The following TFE3 variants were observed in gnomAD, a reference collection of about 807,000 sequenced individuals.
TFE3 encodes the protein transcription factor binding to IGHM enhancer 3.
Under a neutral mutation model 35.0 loss-of-function variants are expected in TFE3, and 5 were observed. That is an observed-to-expected ratio of 0.14 (90% confidence interval 0.07 to 0.30). The LOEUF (loss-of-function observed/expected upper bound fraction) is 0.30, where lower values mean the gene tolerates loss of function less well. TFE3 is among the 10% of genes least tolerant of loss of function. The pLI is 1.00. For synonymous variants in TFE3, 211 were observed against 215.6 expected (o/e 0.98, Z 0.18); for missense variants, 374 against 496.6 (o/e 0.75, Z 2.35).
Position 49,033,638 on chromosome X carries a change from C to T in TFE3, c.1060+88G>A, listed in dbSNP as rs1051885706. On this transcript the variant is annotated intron_variant, in intron 7 of 9. Transcript: ENST00000315869. ...AAAGTAGGGAGTTGGGAGGCTGTTG[C>T]AGGGAAGGAGTTCCCCATGGGGGGC... The T allele has an allele frequency of 3.8e-5, 45 of 1,182,768 alleles. No homozygotes were observed. The East Asian group carries it at 1.3e-3, about 33-fold the overall frequency.
chrX:49,039,432 GCC>G (rs1557075375), intron 2 of TFE3, 22 bp from the exon 3 acceptor site: 1 of 1,153,121 alleles, frequency 8.7e-7, no homozygotes, highest in South Asian at 2.1e-5. Flanking sequence ...GAAATATGGG[GCC>G]ATATTTTAGG....
chrX:49,042,180 G>A (rs1395843302), intron 1 of TFE3, among the ~76,000 whole-genome samples: 2 of 111,520 alleles, frequency 1.8e-5, no homozygotes, highest in Admixed American at 9.6e-5. Context: ...ATCTGTACTC[G>A]TTCCAGCTCT....
At chrX:49,031,920 C>A in intron 8 of TFE3, 1 of 129,568 alleles carries the variant, frequency 7.7e-6, no homozygotes, top group Non-Finnish European at 1.6e-5. Context: ...CCCAGACACC[C>A]ATGCGGCTCC....
rs368020025 is a variant in TFE3 at position 49,035,109 on chromosome X, G to A, written c.886-858C>T. 2.8e-5 allele frequency among the ~76,000 whole-genome samples: 3 copies of A among 108,901 alleles called. No homozygotes were observed. In the East Asian group the frequency reaches 8.7e-4, roughly 32 times the overall value. 94.6% of individuals were successfully genotyped at this position (108,901 alleles called of 115,157 possible). A position where few individuals can be genotyped will look rare whatever the true frequency, so the allele number is the denominator to read the frequency against. On this transcript the variant is annotated intron_variant, in intron 5 of 9. Coordinates refer to ENST00000315869, the MANE Select transcript of TFE3 (RefSeq NM_006521.6). ...GCGGATCACTTGAGGTCAGGAGTTC[G>A]TGACCAGCCTGGCCAACATGGTGAA... is the stretch of plus-strand genomic sequence containing the variant.
At position 49,032,248 on chromosome X, in the gene TFE3, G is replaced by T. The variant is rs190373545; in HGVS notation, c.1137-704C>A. Among the ~76,000 whole-genome samples the T allele has an allele frequency of 3.6e-5, 4 of 110,625 alleles. No individual in the cohort carries two copies. The Admixed American group carries it at 3.9e-4, about 11-fold the overall frequency. ...CTCTTTTCCTTTTTTTTTGCGGGGC[G>T]GTGGGGGATGGAGTCTCGCTCTGTC... is the stretch of plus-strand genomic sequence containing the variant. On this transcript the variant is annotated intron_variant, in intron 8 of 9. Transcript: ENST00000315869.
chrX:49,029,963 T>C lies in TFE3; in HGVS notation c.*195A>G, dbSNP rs782641526. On this transcript the variant is annotated 3_prime_UTR_variant, in exon 10 of 10. Transcript: ENST00000315869. Reference sequence around the variant, plus strand: ...GAAATACCTGCACTGGGCGGTTCCTTTGGGGAAGGTGCAGGGCCTCATCTG... The same window carrying C: ...GAAATACCTGCACTGGGCGGTTCCTCTGGGGAAGGTGCAGGGCCTCATCTG... 2.7e-5 allele frequency: 14 copies of C among 517,702 alleles called. No homozygotes were observed. Among genetic ancestry groups the C allele is most frequent in the Non-Finnish European group, 4.4e-5 (13 of 295,188 alleles). 42.7% of individuals were successfully genotyped at this position (517,702 alleles called of 1,213,427 possible). A position where few individuals can be genotyped will look rare whatever the true frequency, so the allele number is the denominator to read the frequency against.
chrX:49,030,988 G>A (rs2147768253), intron 9 of TFE3, among the ~76,000 whole-genome samples: 1 of 111,050 alleles, frequency 9.0e-6, no homozygotes. Context: ...AGGAGGCTGA[G>A]ACAGGAGAAT....
At chrX:49,042,195 A>C (rs2147779450) in intron 1 of TFE3, among the ~76,000 whole-genome samples, 1 of 111,527 alleles carries the variant, frequency 9.0e-6, no homozygotes, top group South Asian at 3.8e-4. Flanking sequence ...AGCTCTATGG[A>C]CAGATTCAAG....
chrX:49,035,664 C>T (rs1284404264), intron 5 of TFE3, among the ~76,000 whole-genome samples: 2 of 107,892 alleles, frequency 1.9e-5, no homozygotes, highest in Admixed American at 1.0e-4. Context: ...GCCTCAGCCT[C>T]CCAAAGTGCT....
rs1391691261 is a variant in TFE3, at chrX:49,029,159, GT to G, written c.*998del. ...AAAGAATACTGAGGTACTGGTTCTG[GT>G]AACCTGAACTCAGTCCCCCACTAAT... On this transcript the variant is annotated 3_prime_UTR_variant, in exon 10 of 10. Transcript: ENST00000315869. 2.3e-5 allele frequency: 4 copies of G among 171,794 alleles called. No individual in the cohort carries two copies. The highest frequency in any genetic ancestry group is 1.2e-4 in the African/African-American group (4 of 33,456). The allele number at this position is 171,794 out of a possible 1,213,427, so 14.2% of individuals were successfully genotyped here. A position where few individuals can be genotyped will look rare whatever the true frequency, so the allele number is the denominator to read the frequency against.
chrX:49,039,305 CGAT>C lies in TFE3; in HGVS notation c.333_335del (p.Ser112del). On this transcript the variant is annotated inframe_deletion, in exon 3 of 10. Transcript: ENST00000315869. The stretch of plus-strand genomic sequence containing the variant: ...TTAGCTGCTGCCGCAGCAAGACCCT[CGAT>C]GAAGAAGATGACGACATGGCAGGGG... The C allele has an allele frequency of 8.3e-7, 1 of 1,207,495 alleles. No homozygotes were observed. The highest frequency in any genetic ancestry group is 1.1e-6 in the Non-Finnish European group (1 of 893,357).
rs1158835770 is a variant in TFE3 at position 49,038,180 on chromosome X, T to C, written c.780+17A>G. The C allele has an allele frequency of 3.3e-6, 4 of 1,210,824 alleles. No homozygotes were observed. Among genetic ancestry groups the C allele is most frequent in the South Asian group, 1.8e-5 (1 of 56,915 alleles). On this transcript the variant is annotated intron_variant, in intron 4 of 9. Transcript: ENST00000315869. ...TGGGAGGGGAATGTGGGAGGAGGTT[T>C]GGCTGTAGCCTCTTACCTCCTTCTC...
intron 1 of TFE3, among the ~76,000 whole-genome samples, chrX:49,042,338 G>A (rs928910076): frequency 2.0e-4 from 22 of 111,370 alleles, no homozygotes; most frequent in Non-Finnish European, 3.8e-4. Context: ...CCCAAACAAG[G>A]TCTGAGGCCT....
Position 49,029,901 on chromosome X carries a change from G to A in TFE3, c.*257C>T. The A allele has an allele frequency of 2.0e-6, 1 of 507,194 alleles. No individual in the cohort carries two copies. The highest frequency in any genetic ancestry group is 3.5e-5 in the East Asian group (1 of 28,744). 41.8% of individuals were successfully genotyped at this position (507,194 alleles called of 1,213,427 possible). On this transcript the variant is annotated 3_prime_UTR_variant, in exon 10 of 10. Transcript: ENST00000315869. ...TGAGGCTGTGATCCCCAGGGGGCAG[G>A]CCCTGATCTCATGTCCTTCTCCAGC...
rs781872643 is a variant in TFE3, at chrX:49,043,216, G to A, written c.11C>T (p.Ala4Val). The change falls in exon 1 of 10, where the codon GCG (alanine) becomes GTG (valine). Residue 4 changes from alanine (A) to valine (V), a missense_variant. Physicochemically the swap from Ala to Val is moderately conservative, Grantham distance 64. Transcript: ENST00000315869. Reference sequence around the variant, plus strand: ...TACGCCATCCCGAGCTGGTTCGGCCGCATGAGACATGACGCCCGGCCCCGG... The same window carrying A: ...TACGCCATCCCGAGCTGGTTCGGCCACATGAGACATGACGCCCGGCCCCGG... MSHAAEPARDGVEA... is the reference protein window; with the variant it reads MSHVAEPARDGVEA... 120 of 1,165,037 alleles carry A rather than the reference G, an allele frequency of 1.0e-4. No homozygotes were observed. The highest frequency in any genetic ancestry group is 1.3e-4 in the Non-Finnish European group (110 of 874,523).
rs201168885 is a variant in TFE3 at position 49,033,699 on chromosome X, G to A, written c.1060+27C>T. ...GGTGAGGCAGGCCTGCACAGCACCC[G>A]GGCAATGCACACGCTCTCTGGCTTA... On this transcript the variant is annotated intron_variant, in intron 7 of 9. Transcript: ENST00000315869. The A allele has an allele frequency of 4.1e-5, 49 of 1,208,188 alleles. 1 individual carries two copies. The East Asian group carries it at 1.3e-3, about 31-fold the overall frequency.
rs138839277 is a variant in TFE3 at position 49,037,528 on chromosome X, G to A, written c.885+482C>T. The stretch of plus-strand genomic sequence containing the variant: ...CGCCTGACCAACGTGATGAAACCCC[G>A]TCTCTACTAAAAATAGAAAAATTAG... On this transcript the variant is annotated intron_variant, in intron 5 of 9. Coordinates refer to ENST00000315869, the MANE Select transcript of TFE3 (RefSeq NM_006521.6). Among the ~76,000 whole-genome samples the A allele has an allele frequency of 7.1e-3, 779 of 109,017 alleles. 8 individuals are homozygous for A. Among genetic ancestry groups the A allele is most frequent in the African/African-American group, 0.025 (753 of 29,916 alleles). The allele number at this position is 109,017 out of a possible 115,157, so 94.7% of individuals were successfully genotyped here.
At chrX:49,033,427 C>A (rs1557074110) in intron 8 of TFE3, 38 bp downstream of exon 8, 1 of 1,186,412 alleles carries the variant, frequency 8.4e-7, no homozygotes. Context: ...ACGCCTGCCC[C>A]ACCTCCCGCT....
chrX:49,039,226 C>T lies in TFE3; in HGVS notation c.415G>A (p.Ala139Thr), dbSNP rs781905591. The change falls in exon 3 of 10, where the codon GCG becomes ACG. Residue 139 changes from alanine to threonine, a missense_variant. Physicochemically the swap from Ala to Thr is moderately conservative, Grantham distance 58. This residue lies in a region of TFE3 where 167 missense variants were observed against 297.2 expected (regional missense o/e 0.56). Transcript: ENST00000315869. ...GGTGCAGGACTGGGGAAGGGAGCCG[C>T]GGCGGCCTGTTCCCGACGCTCACGC... is the stretch of plus-strand genomic sequence containing the variant. ...ERRERREQAA[A>T]APFPSPAPAS... The T allele has an allele frequency of 2.6e-5, 31 of 1,206,665 alleles. No individual in the cohort carries two copies. The South Asian group carries it at 4.1e-4, about 16-fold the overall frequency.
Sources: allele counts gnomAD v4.1 joint callset (sites outside exome capture counted in the v4.1 genomes callset), GRCh38; gene constraint gnomAD v4.1.1; regional missense constraint gnomAD v4.1.1; transcripts MANE v1.5; gene names NCBI Gene and HGNC (gene_info 2026-07-23, HGNC 2026-07-21).